ANKRD44: variants seen among roughly 807,000 people sequenced by gnomAD.
ANKRD44 encodes the protein ankyrin repeat domain 44.
Under a neutral mutation model 116.0 loss-of-function variants are expected in ANKRD44, and 35 were observed. The observed-to-expected ratio is 0.30, with a 90% confidence interval of 0.23 to 0.40. The LOEUF (loss-of-function observed/expected upper bound fraction) is 0.40, where lower values mean the gene tolerates loss of function less well. Among genes scored for constraint, ANKRD44 ranks in the 10% least tolerant of loss-of-function variants. The probability of loss-of-function intolerance (pLI) is 1.00; values close to 1 mark genes in which losing one functional copy is unlikely to be tolerated. For synonymous variants in ANKRD44, 435 were observed against 461.8 expected (o/e 0.94, Z 0.74); for missense variants, 1,014 against 1,242.6 (o/e 0.82, Z 2.77).
chr2:197,286,214 T>C (rs2083403075), intron 1 of ANKRD44, among the ~76,000 whole-genome samples: 1 of 152,200 alleles, frequency 6.6e-6, no homozygotes, highest in African/African-American at 2.4e-5. Context: ...ACTGAGCATA[T>C]TTCTATTTAA....
intron 16 of ANKRD44, among the ~76,000 whole-genome samples, chr2:197,065,875 T>A (rs1259243753): frequency 2.0e-5 from 3 of 152,232 alleles, no homozygotes; most frequent in Non-Finnish European, 4.4e-5. Flanking sequence ...GAGGAGCTGG[T>A]ACCATTCCTT....
intron 1 of ANKRD44, among the ~76,000 whole-genome samples, chr2:197,238,820 T>G (rs1381738650): frequency 6.6e-6 from 1 of 152,076 alleles, no homozygotes; most frequent in Non-Finnish European, 1.5e-5. Context: ...TTCTCCTGCC[T>G]CAGCCTCCCG....
chr2:197,180,626 T>G (rs2080479744), intron 2 of ANKRD44, among the ~76,000 whole-genome samples: 1 of 152,082 alleles, frequency 6.6e-6, no homozygotes, highest in South Asian at 2.1e-4. Context: ...AAAAATCAAG[T>G]AGGATATATG....
chr2:197,185,768 G>A lies in ANKRD44; in HGVS notation c.111+1255C>T, dbSNP rs143247711. On this transcript the variant is annotated intron_variant, in intron 2 of 27. Coordinates refer to ENST00000282272, the MANE Select transcript of ANKRD44 (RefSeq NM_001195144.2). Reference sequence around the variant, plus strand: ...GTTTGATTCATTTCACACAAAATATGTATATAGTGCACATATCTACTGCCT... The same window carrying A: ...GTTTGATTCATTTCACACAAAATATATATATAGTGCACATATCTACTGCCT... Among the ~76,000 whole-genome samples, 336 of 152,240 alleles carry A rather than the reference G, an allele frequency of 2.2e-3. 3 individuals carry two copies. Among genetic ancestry groups the A allele is most frequent in the African/African-American group, 7.9e-3 (330 of 41,550 alleles).
intron 16 of ANKRD44, among the ~76,000 whole-genome samples, chr2:197,037,488 G>A (rs1484050625): frequency 3.3e-5 from 5 of 152,196 alleles, no homozygotes; most frequent in African/African-American, 1.2e-4. Context: ...TTCAATAAAT[G>A]TTTATAGAAC....
At chr2:197,275,537 T>G (rs2083053139) in intron 1 of ANKRD44, among the ~76,000 whole-genome samples, 2 of 152,146 alleles carry the variant, frequency 1.3e-5, no homozygotes, top group Non-Finnish European at 2.9e-5. Flanking sequence ...TTCATTTACT[T>G]ATTTAACAAA....
At chr2:197,305,697 A>G (rs1385562279) in intron 1 of ANKRD44, among the ~76,000 whole-genome samples, 1 of 152,158 alleles carries the variant, frequency 6.6e-6, no homozygotes, top group Non-Finnish European at 1.5e-5. Context: ...TAAAGAGCCA[A>G]TCATATATGT....
intron 2 of ANKRD44, among the ~76,000 whole-genome samples, chr2:197,169,956 A>G (rs1284388395): frequency 2.0e-5 from 3 of 152,116 alleles, no homozygotes; most frequent in Non-Finnish European, 4.4e-5. Context: ...TTGGCAGGCC[A>G]TGGCTGATGG....
At position 196,981,502 on chromosome 2, in the gene ANKRD44, G is replaced by A. The variant is rs573381015; in HGVS notation, c.2368+12081C>T. Among the ~76,000 whole-genome samples the A allele has an allele frequency of 6.6e-5, 10 of 152,278 alleles. No individual in the cohort carries two copies. In the South Asian group the frequency reaches 8.3e-4, roughly 13 times the overall value. On this transcript the variant is annotated intron_variant, in intron 21 of 21. Coordinates refer to the ANKRD44 transcript ENST00000424317. The stretch of plus-strand genomic sequence containing the variant: ...CTAAAATGTTCTCTCCAGGCTGGGC[G>A]TGGTGGCCCACACCTATAATCCCAG...
intron 2 of ANKRD44, among the ~76,000 whole-genome samples, chr2:197,147,682 T>TGG (rs958983029): frequency 2.0e-5 from 3 of 152,018 alleles, no homozygotes; most frequent in African/African-American, 7.2e-5. Context: ...ACAACAGGCC[T>TGG]GGTCCCTGCC....
intron 1 of ANKRD44, among the ~76,000 whole-genome samples, chr2:197,222,816 A>T (rs184306547): frequency 0.02 from 2,442 of 121,654 alleles, 56 homozygotes; most frequent in African/African-American, 0.09. Context: ...TTTTTTATTT[A>T]TTTATTTTTT....
intron 1 of ANKRD44, chr2:197,302,531 A>G (rs1236107019): frequency 6.6e-6 from 1 of 152,258 alleles, no homozygotes; most frequent in Admixed American, 6.5e-5. Context: ...CCAACTCAAT[A>G]AAGTATTGTG....
chr2:197,115,685 A>G (rs2078691646), intron 8 of ANKRD44, among the ~76,000 whole-genome samples: 1 of 152,214 alleles, frequency 6.6e-6, no homozygotes, highest in Non-Finnish European at 1.5e-5. Flanking sequence ...TGGAAAATCT[A>G]AACAAATACA....
At chr2:197,020,327 C>T (rs1442466566) in intron 17 of ANKRD44, among the ~76,000 whole-genome samples, 2 of 152,178 alleles carry the variant, frequency 1.3e-5, no homozygotes, top group African/African-American at 4.8e-5. Flanking sequence ...TTTAAAATTT[C>T]AACCCATACT....
intron 1 of ANKRD44, among the ~76,000 whole-genome samples, chr2:197,283,577 A>G (rs2083324626): frequency 6.6e-6 from 1 of 152,222 alleles, no homozygotes; most frequent in Non-Finnish European, 1.5e-5. Flanking sequence ...TTATAAAATA[A>G]TTACAGCCTT....
intron 8 of ANKRD44, among the ~76,000 whole-genome samples, chr2:197,121,005 C>T (rs2078841149): frequency 6.6e-6 from 1 of 151,376 alleles, no homozygotes; most frequent in Non-Finnish European, 1.5e-5. Flanking sequence ...TCTCAGCTCA[C>T]TGCAACCTCT....
intron 1 of ANKRD44, among the ~76,000 whole-genome samples, chr2:197,249,703 T>C (rs1449831372): frequency 2.0e-5 from 3 of 152,226 alleles, no homozygotes; most frequent in Admixed American, 1.3e-4. Context: ...CTCACCAAAA[T>C]GTCTTTCATT....
intron 1 of ANKRD44, among the ~76,000 whole-genome samples, chr2:197,214,770 G>A (rs1314161253): frequency 1.3e-5 from 2 of 152,190 alleles, no homozygotes; most frequent in African/African-American, 2.4e-5. Context: ...AGCAACAACA[G>A]AAGCAAAGTC....
Position 197,121,078 on chromosome 2 carries a change from G to A in ANKRD44, c.906+254C>T, listed in dbSNP as rs368448773. 1.9e-3 allele frequency among the ~76,000 whole-genome samples: 286 copies of A among 151,896 alleles called. 2 individuals carry two copies. The highest frequency in any genetic ancestry group is 6.6e-3 in the African/African-American group (274 of 41,432). ...CGAGTAGCTGAGATTGCAGGCACCC[G>A]CCACCACGCCTGGCTAATTTTTGCA... On this transcript the variant is annotated intron_variant, in intron 8 of 27. Transcript: ENST00000282272.
Sources: allele counts gnomAD v4.1 joint callset (sites outside exome capture counted in the v4.1 genomes callset), GRCh38; gene constraint gnomAD v4.1.1; transcripts MANE v1.5; gene names NCBI Gene and HGNC (gene_info 2026-07-23, HGNC 2026-07-21).